CELF2: variants seen among roughly 807,000 people sequenced by gnomAD.
CELF2 encodes the protein CUGBP Elav-like family member 2.
Under a neutral mutation model 62.6 loss-of-function variants are expected in CELF2, and 8 were observed. The ratio of observed to expected loss-of-function variants is 0.13; its 90% CI spans 0.07 to 0.23. The LOEUF is 0.23. Ranked by LOEUF, CELF2 falls within the 10% of genes least tolerant of loss-of-function variation. CELF2 has a pLI of 1.00. For synonymous variants in CELF2, 258 were observed against 250.0 expected, an observed-to-expected ratio of 1.03 and a Z score of -0.30; for missense variants, 333 against 671.0, an observed-to-expected ratio of 0.50 and a Z score of 5.56.
intron 1 of CELF2, among the ~76,000 whole-genome samples, chr10:11,095,306 C>G (rs117277105): frequency 1.3e-5 from 2 of 152,108 alleles, no homozygotes; most frequent in Non-Finnish European, 2.9e-5. Flanking sequence ...AATGAGCATC[C>G]TTGCATTTGG....
At position 10,947,574 on chromosome 10, in the gene CELF2, G is replaced by A. The variant is rs796709955; in HGVS notation, c.89+27575G>A. Reference sequence around the variant, plus strand: ...TTGAATTCCTAACAAGCATATGAAAGAGGAAATCAGTGTCCTATTGCCTCG... The same window carrying A: ...TTGAATTCCTAACAAGCATATGAAAAAGGAAATCAGTGTCCTATTGCCTCG... On this transcript the variant is annotated intron_variant, in intron 2 of 13. Transcript: ENST00000636488. The surrounding 1 kb of genome is among the most constrained non-coding windows in gnomAD (Gnocchi z 4.1). 1.3e-5 allele frequency: 2 copies of A among 152,626 alleles called. No homozygotes were observed. The highest frequency in any genetic ancestry group is 4.8e-5 in the African/African-American group (2 of 41,426). The allele number at this position is 152,626 out of a possible 1,614,324, so 9.5% of individuals were successfully genotyped here.
At chr10:10,719,603 A>T in the CELF2 span, among the ~76,000 whole-genome samples, 1 of 152,170 alleles carries the variant, frequency 6.6e-6, no homozygotes, top group African/African-American at 2.4e-5. Context: ...ATGATAGCCT[A>T]GCCAAGCACT....
chr10:10,836,247 AC>A (rs1392640994), intron 1 of CELF2, among the ~76,000 whole-genome samples: 1 of 152,080 alleles, frequency 6.6e-6, no homozygotes, highest in African/African-American at 2.4e-5. Flanking sequence ...GACCTGAAGA[AC>A]CACATCACCT....
chr10:11,005,901 C>A lies in CELF2; in HGVS notation c.53+461C>A, dbSNP rs1225137620. On this transcript the variant is annotated intron_variant, in intron 1 of 12. Coordinates refer to the CELF2 transcript ENST00000416382. The surrounding 1 kb of genome is among the most constrained non-coding windows in gnomAD (Gnocchi z 4.3). ...TCTGGACTTAGCCTACCTAAATAGT[C>A]CTCCTGTGTTACCAGGTTTGGATCA... Among the ~76,000 whole-genome samples the A allele has an allele frequency of 6.6e-6, 1 of 152,184 alleles. No individual in the cohort carries two copies. Among genetic ancestry groups the A allele is most frequent in the Non-Finnish European group, 1.5e-5 (1 of 68,016 alleles).
At chr10:10,547,082 G>A in the CELF2 span, among the ~76,000 whole-genome samples, 1 of 152,102 alleles carries the variant, frequency 6.6e-6, no homozygotes, top group African/African-American at 2.4e-5. Flanking sequence ...ACTCTATCCT[G>A]GGCAACAGAG....
intron 1 of CELF2, among the ~76,000 whole-genome samples, chr10:11,034,567 G>T (rs537499955): frequency 2.6e-5 from 4 of 152,120 alleles, no homozygotes; most frequent in African/African-American, 9.7e-5. Flanking sequence ...GTGCACAGAA[G>T]CCCCTCTTCT....
At chr10:11,012,895 C>T (rs1344861336), upstream of CELF2, among the ~76,000 whole-genome samples, 1 of 151,892 alleles carries the variant, frequency 6.6e-6, no homozygotes, top group Non-Finnish European at 1.5e-5. This position sits in a 1 kb window ranked among gnomAD's most constrained non-coding sequence, Gnocchi z 5.5. Flanking sequence ...TTTCTGAGTG[C>T]CTGCCGTGTG....
the CELF2 span, among the ~76,000 whole-genome samples, chr10:10,596,401 C>G: frequency 1.3e-4 from 20 of 152,348 alleles, no homozygotes; most frequent in Admixed American, 1.3e-3. Flanking sequence ...TCCACTTTGT[C>G]TCAGAATTGC....
chr10:11,257,571 G>C, intron 4 of CELF2, 167 bp from the exon 5 acceptor site: 2 of 624,848 alleles, frequency 3.2e-6, no homozygotes, highest in Non-Finnish European at 5.5e-6. Flanking sequence ...GGAGTGGCAG[G>C]GTGGGGCGCA....
At chr10:10,800,115 A>G (rs1168917644) in intron 1 of CELF2, among the ~76,000 whole-genome samples, 1 of 152,216 alleles carries the variant, frequency 6.6e-6, no homozygotes, top group East Asian at 1.9e-4. Context: ...ATTTTTAAGA[A>G]CAAGATTATA....
rs1184273718 is a variant in CELF2, at chr10:11,191,123, T to G, written c.271+25441T>G. 6.6e-6 allele frequency among the ~76,000 whole-genome samples: 1 copy of G among 152,202 alleles called. No individual in the cohort carries two copies. The highest frequency in any genetic ancestry group is 1.5e-5 in the Non-Finnish European group (1 of 68,036). ...CTGCTGGTCCTCTCTGAATCTGTTT[T>G]CTTGTCTGTAAATGGGGCCTGATGT... On this transcript the variant is annotated intron_variant, in intron 2 of 12. Transcript: ENST00000633077. This position sits in a 1 kb window ranked among gnomAD's most constrained non-coding sequence, Gnocchi z 4.1.
chr10:10,664,086 A>C, the CELF2 span, among the ~76,000 whole-genome samples: 1 of 152,254 alleles, frequency 6.6e-6, no homozygotes, highest in Non-Finnish European at 1.5e-5. Flanking sequence ...AAGCCTCTTC[A>C]AAACCTGAGT....
chr10:11,130,460 A>C (rs1291149043), intron 1 of CELF2, among the ~76,000 whole-genome samples: 1 of 152,294 alleles, frequency 6.6e-6, no homozygotes, highest in African/African-American at 2.4e-5. Flanking sequence ...GATGCCCCAT[A>C]GCACTTTATT....
chr10:10,949,813 A>AAC, intron 2 of CELF2, among the ~76,000 whole-genome samples: 1 of 141,968 alleles, frequency 7.0e-6, no homozygotes, highest in South Asian at 2.3e-4. Context: ...AACAAAACGA[A>AAC]ACACACACAC....
intron 2 of CELF2, chr10:10,929,757 A>C (rs748915472): frequency 6.6e-6 from 1 of 152,238 alleles, no homozygotes; most frequent in Non-Finnish European, 1.5e-5. Context: ...TATTATAAGG[A>C]AATTAAAGTT....
In CELF2 at chr10:11,161,530, A is replaced by G. The variant is rs537834705; in HGVS notation, c.75-3956A>G. Among the ~76,000 whole-genome samples, 10 of 152,358 alleles carry G rather than the reference A, an allele frequency of 6.6e-5. 1 individual carries two copies. The highest frequency in any genetic ancestry group is 3.9e-4 in the East Asian group (2 of 5,194). On this transcript the variant is annotated intron_variant, in intron 1 of 12. Transcript: ENST00000633077. Reference sequence around the variant, plus strand: ...CTTTTGTGTGACATTGGAAAAGTCAATGTATCTCTGACTCTCATTGGGTTC... The same window carrying G: ...CTTTTGTGTGACATTGGAAAAGTCAGTGTATCTCTGACTCTCATTGGGTTC...
chr10:11,196,958 CAAA>C (rs1445918924), intron 2 of CELF2, among the ~76,000 whole-genome samples: 2 of 116,128 alleles, frequency 1.7e-5, no homozygotes, highest in Non-Finnish European at 1.8e-5. Context: ...GACTCTGTCT[CAAA>C]AGAAAAAGAA....
At chr10:10,686,268 T>C in the CELF2 span, among the ~76,000 whole-genome samples, 10 of 131,318 alleles carry the variant, frequency 7.6e-5, no homozygotes, top group Non-Finnish European at 1.5e-4. Flanking sequence ...ACTTAATTGC[T>C]AAAATCTTTA....
intron 1 of CELF2, among the ~76,000 whole-genome samples, chr10:10,871,874 A>C (rs10905852): frequency 0.06 from 9,097 of 152,190 alleles, 417 homozygotes; most frequent in East Asian, 0.22. Flanking sequence ...ATGCTGAAAC[A>C]TGCAAACGTA....
Sources: allele counts gnomAD v4.1 joint callset (sites outside exome capture counted in the v4.1 genomes callset), GRCh38; gene constraint gnomAD v4.1.1; non-coding constraint Gnocchi (gnomAD v3.1); transcripts MANE v1.5; gene names NCBI Gene and HGNC (gene_info 2026-07-23, HGNC 2026-07-21).